Variants in MCU observed in about 807,000 individuals in gnomAD.
The protein encoded by MCU is mitochondrial calcium uniporter.
A neutral mutation model predicts 45.2 loss-of-function variants in MCU; 12 were observed. That is an observed-to-expected ratio of 0.27 (90% CI 0.17 to 0.43). The LOEUF is 0.43. MCU is among the 20% of genes least tolerant of loss of function. The probability of loss-of-function intolerance (pLI) is 1.00; values close to 1 mark genes in which losing one functional copy is unlikely to be tolerated. For missense variants in MCU, 324 were observed against 436.7 expected (o/e 0.74, Z 2.30); for synonymous variants, 160 against 165.1 (o/e 0.97, Z 0.24).
At chr10:72,867,620 G>A (rs946179873) in intron 4 of MCU, among the ~76,000 whole-genome samples, 3 of 152,012 alleles carry the variant, frequency 2.0e-5, no homozygotes, top group Non-Finnish European at 2.9e-5. Flanking sequence ...TTAGGAGGTC[G>A]AGGCAGGTAG....
intron 1 of MCU, among the ~76,000 whole-genome samples, chr10:72,809,502 C>T (rs1279096493): frequency 6.6e-6 from 1 of 152,132 alleles, no homozygotes; most frequent in Admixed American, 6.5e-5. Flanking sequence ...GCCTGAGAGA[C>T]TGACCAAAAA....
At position 72,839,950 on chromosome 10, in the gene MCU, C is replaced by G. The variant is rs1006925727; in HGVS notation, c.220+5522C>G. ...CTGCACTCCAGCCTGGGTGACAAAGCGAGACTCCGTCTCAAAAAAAAAAAA... is the reference window on the plus strand; with the variant it reads ...CTGCACTCCAGCCTGGGTGACAAAGGGAGACTCCGTCTCAAAAAAAAAAAA... On this transcript the variant is annotated intron_variant, in intron 2 of 7. Transcript: ENST00000373053. 2.6e-5 allele frequency among the ~76,000 whole-genome samples: 3 copies of G among 113,696 alleles called. No individual in the cohort carries two copies. The Admixed American group carries it at 3.7e-4, about 14-fold the overall frequency. The allele number at this position is 113,696 out of a possible 152,430, so 74.6% of individuals were successfully genotyped here.
At chr10:72,777,670 A>G (rs1402580362) in intron 1 of MCU, among the ~76,000 whole-genome samples, 1 of 152,226 alleles carries the variant, frequency 6.6e-6, no homozygotes, top group Non-Finnish European at 1.5e-5. Context: ...TCAAAAGCAC[A>G]GGCAACCAAA....
At position 72,834,399 on chromosome 10, in the gene MCU, T is replaced by C. The variant is rs1228145750; in HGVS notation, c.191T>C (p.Val64Ala). Reference sequence around the variant, plus strand: ...GCTTCCTGGCAGAATTTGGGAGCTGTTTATTGCAGCACTGTTGTGCCCTCT... The same window carrying C: ...GCTTCCTGGCAGAATTTGGGAGCTGCTTATTGCAGCACTGTTGTGCCCTCT... Reference protein sequence around the residue: ...RIASWQNLGAVYCSTVVPSDD... With the variant: ...RIASWQNLGAAYCSTVVPSDD... Residue 64 changes from valine (V) to alanine (A), a missense_variant, in exon 2 of 8, where the codon GTT becomes GCT. By Grantham distance (64) the Val-to-Ala change is moderately conservative (BLOSUM62 0). Around this residue, in one of 4 missense-constraint regions of MCU, gnomAD observed 111 missense variants for 112.3 expected, o/e 0.99. Coordinates refer to ENST00000373053, the MANE Select transcript of MCU (RefSeq NM_138357.3). 1 of 1,613,978 alleles carries C rather than the reference T, an allele frequency of 6.2e-7. No individual in the cohort carries two copies. Among genetic ancestry groups the C allele is most frequent in the East Asian group, 2.2e-5 (1 of 44,870 alleles).
intron 1 of MCU, among the ~76,000 whole-genome samples, chr10:72,803,214 T>G (rs1339012328): frequency 1.3e-5 from 2 of 151,988 alleles, no homozygotes; most frequent in African/African-American, 4.8e-5. Flanking sequence ...TTTTTCCTGC[T>G]TGTATTTTTT....
intron 5 of MCU, among the ~76,000 whole-genome samples, chr10:72,870,388 C>T (rs911041305): frequency 2.0e-5 from 3 of 152,274 alleles, no homozygotes; most frequent in African/African-American, 7.2e-5. Flanking sequence ...ACGCCATTCT[C>T]CTGCCTCAGC....
chr10:72,855,419 AC>A (rs889696614), intron 2 of MCU, among the ~76,000 whole-genome samples: 1 of 149,888 alleles, frequency 6.7e-6, no homozygotes, highest in Non-Finnish European at 1.5e-5. Context: ...CTCTACCCCC[AC>A]CAAAAAAAAA....
chr10:72,854,056 G>A (rs527968648), intron 2 of MCU, among the ~76,000 whole-genome samples: 1 of 152,126 alleles, frequency 6.6e-6, no homozygotes, highest in South Asian at 2.1e-4. Context: ...ATCGCTTGAA[G>A]GTGGTGAAGG....
intron 6 of MCU, among the ~76,000 whole-genome samples, chr10:72,873,879 C>T (rs1208884633): frequency 6.6e-6 from 1 of 152,086 alleles, no homozygotes; most frequent in Non-Finnish European, 1.5e-5. Context: ...ATTGTGGGTT[C>T]GTGGTGCCTT....
chr10:72,722,316 C>CAAAAAAAA (rs35164146), intron 1 of MCU, among the ~76,000 whole-genome samples: 3 of 20,176 alleles, frequency 1.5e-4, no homozygotes, highest in Admixed American at 8.3e-4. Flanking sequence ...AACTCCATCT[C>CAAAAAAAA]AAAAAAAAAA....
chr10:72,819,727 C>CT (rs71021538), intron 1 of MCU, among the ~76,000 whole-genome samples: 33,964 of 102,524 alleles, frequency 0.33, 7,517 homozygotes, highest in African/African-American at 0.5. Context: ...TTTTTCCAGT[C>CT]TTTTTTTTTT....
At chr10:72,799,508 G>C (rs1228589527) in intron 1 of MCU, among the ~76,000 whole-genome samples, 1 of 150,396 alleles carries the variant, frequency 6.6e-6, no homozygotes, top group Non-Finnish European at 1.5e-5. Flanking sequence ...TTTTAAACAA[G>C]ATGCGGTCTC....
rs1235405701 is a variant in MCU at position 72,752,286 on chromosome 10, G to T, written c.150+59985G>T. ...TTTTTTTTTTTTAATACTAGAGACA[G>T]GGTTTCACCATGTTGGTCAGGCTGG... On this transcript the variant is annotated intron_variant, in intron 1 of 7. Transcript: ENST00000373053. Among the ~76,000 whole-genome samples the T allele has an allele frequency of 2.0e-5, 3 of 150,876 alleles. No individual in the cohort carries two copies. In the South Asian group the frequency reaches 6.3e-4, roughly 32 times the overall value.
At chr10:72,692,911 C>T (rs1271152757) in intron 1 of MCU, 1 of 1,499,220 alleles carries the variant, frequency 6.7e-7, no homozygotes. Flanking sequence ...AACCGGCTCC[C>T]TCGAGATGGA....
intron 1 of MCU, among the ~76,000 whole-genome samples, chr10:72,706,955 G>A (rs1477452736): frequency 6.7e-6 from 1 of 149,728 alleles, no homozygotes; most frequent in Non-Finnish European, 1.5e-5. Context: ...TCAGCCTCCC[G>A]AGTAGCTGGG....
chr10:72,735,655 T>C (rs1284451325), intron 1 of MCU, among the ~76,000 whole-genome samples: 1 of 152,172 alleles, frequency 6.6e-6, no homozygotes, highest in African/African-American at 2.4e-5. Context: ...AGTATTAGAA[T>C]AAAGCTGTTG....
At chr10:72,696,174 A>AT (rs1162215829) in intron 1 of MCU, among the ~76,000 whole-genome samples, 113 of 150,020 alleles carry the variant, frequency 7.5e-4, no homozygotes, top group Non-Finnish European at 9.8e-4. Flanking sequence ...AAAAAAAAAA[A>AT]AAAAAAAAAA....
At chr10:72,849,575 T>TAG (rs1350082493) in intron 2 of MCU, among the ~76,000 whole-genome samples, 1 of 152,078 alleles carries the variant, frequency 6.6e-6, no homozygotes, top group Non-Finnish European at 1.5e-5. Flanking sequence ...TGAGATTTCC[T>TAG]AGAGAGTGTG....
intron 1 of MCU, among the ~76,000 whole-genome samples, chr10:72,764,778 T>G (rs2093530795): frequency 6.6e-6 from 1 of 152,144 alleles, no homozygotes; most frequent in African/African-American, 2.4e-5. Flanking sequence ...AGTAGATGTA[T>G]ATGACTTTTG....
Sources: gnomAD v4.1 joint callset for allele counts (sites outside exome capture counted in the v4.1 genomes callset) on GRCh38, gnomAD v4.1.1 for gene constraint, gnomAD v4.1.1 regional missense constraint, MANE v1.5 for transcripts, NCBI Gene and HGNC (gene_info 2026-07-23, HGNC 2026-07-21) for gene names.